FHIT: variants seen among roughly 807,000 people sequenced by gnomAD.
The protein encoded by FHIT is fragile histidine triad diadenosine triphosphatase, also known as bis(5'-adenosyl)-triphosphatase.
In FHIT, 19 loss-of-function variants were observed where a neutral mutation model predicts 17.9. That is an observed-to-expected ratio of 1.06 (90% confidence interval 0.74 to 1.56). The LOEUF is 1.56. Ranked by LOEUF, FHIT falls within the 40% of genes most tolerant of loss-of-function variation. FHIT has a pLI of 0.00. For missense variants in FHIT, 248 were observed against 189.2 expected (o/e 1.31, Z -1.82); for synonymous variants, 81 against 69.7 (o/e 1.16, Z -0.81).
intron 3 of FHIT, among the ~76,000 whole-genome samples, chr3:61,032,576 C>A (rs1366908345): frequency 6.6e-6 from 1 of 152,170 alleles, no homozygotes; most frequent in Non-Finnish European, 1.5e-5. Context: ...AAAACACATT[C>A]CCAGAGGCCA....
At chr3:61,175,697 T>A (rs1447678749) in intron 2 of FHIT, among the ~76,000 whole-genome samples, 2 of 151,928 alleles carry the variant, frequency 1.3e-5, no homozygotes, top group Non-Finnish European at 2.9e-5. Context: ...TGCCCATGTG[T>A]CCCTCCTGCC....
chr3:60,630,276 T>C lies in FHIT; in HGVS notation c.-17-93297A>G, dbSNP rs782113352. Among the ~76,000 whole-genome samples the C allele has an allele frequency of 4.3e-4, 66 of 152,130 alleles. 1 individual carries two copies. Among genetic ancestry groups the C allele is most frequent in the Non-Finnish European group, 7.2e-4 (49 of 68,026 alleles). ...CATCAGTTTTATAAATGACAACCAG[T>C]GTGAGGAAGTCGACACCAAAAGAAG... On this transcript the variant is annotated intron_variant, in intron 4 of 9. Coordinates refer to ENST00000492590, the MANE Select transcript of FHIT (RefSeq NM_002012.4).
intron 8 of FHIT, among the ~76,000 whole-genome samples, chr3:59,850,299 T>G (rs879646365): frequency 2.0e-5 from 3 of 152,212 alleles, no homozygotes; most frequent in Non-Finnish European, 4.4e-5. Context: ...AACAGACAAC[T>G]TTACCTCTTT....
intron 4 of FHIT, among the ~76,000 whole-genome samples, chr3:60,576,397 T>A (rs2037566499): frequency 1.3e-5 from 2 of 151,920 alleles, no homozygotes; most frequent in African/African-American, 4.8e-5. Context: ...CTGCAAATGC[T>A]CCAGGGAAAA....
At chr3:60,844,087 ACTCT>A (rs1477897259) in intron 3 of FHIT, among the ~76,000 whole-genome samples, 1 of 152,134 alleles carries the variant, frequency 6.6e-6, no homozygotes. Flanking sequence ...GAAAAAGTTA[ACTCT>A]CTCCAAGGAA....
chr3:60,685,853 T>C (rs1230802979), intron 4 of FHIT, among the ~76,000 whole-genome samples: 1 of 152,188 alleles, frequency 6.6e-6, no homozygotes, highest in African/African-American at 2.4e-5. Context: ...TAAACAAACA[T>C]ACATATTCTT....
chr3:60,642,550 A>T (rs2039753463), intron 4 of FHIT, among the ~76,000 whole-genome samples: 1 of 152,212 alleles, frequency 6.6e-6, no homozygotes, highest in South Asian at 2.1e-4. Flanking sequence ...GTAAAACAAA[A>T]ATCTTTTCTT....
intron 7 of FHIT, among the ~76,000 whole-genome samples, chr3:59,987,457 A>G (rs1202771329): frequency 6.6e-6 from 1 of 151,958 alleles, no homozygotes; most frequent in Admixed American, 6.6e-5. Flanking sequence ...CACATTCACA[A>G]TCTTGTCATT....
intron 5 of FHIT, among the ~76,000 whole-genome samples, chr3:60,052,303 C>A (rs768871870): frequency 6.6e-6 from 1 of 152,060 alleles, no homozygotes; most frequent in African/African-American, 2.4e-5. Context: ...TTGCCTATCA[C>A]GAGTACACCC....
chr3:60,387,015 T>C (rs1701037376), intron 5 of FHIT, among the ~76,000 whole-genome samples: 1 of 114,928 alleles, frequency 8.7e-6, no homozygotes, highest in South Asian at 3.1e-4. Context: ...AAGGAAATTC[T>C]ATTTATTCTT....
intron 5 of FHIT, among the ~76,000 whole-genome samples, chr3:60,055,540 C>T (rs1006139163): frequency 2.7e-5 from 4 of 150,324 alleles, no homozygotes; most frequent in African/African-American, 9.8e-5. Context: ...AGCTTAATTG[C>T]TTTAGCACTT....
intron 2 of FHIT, among the ~76,000 whole-genome samples, chr3:61,112,145 G>A (rs1365333281): frequency 6.6e-6 from 1 of 152,150 alleles, no homozygotes; most frequent in Non-Finnish European, 1.5e-5. Context: ...CCCTTAAGCA[G>A]TATATATTAT....
chr3:60,929,293 A>C (rs1707823635), intron 3 of FHIT, among the ~76,000 whole-genome samples: 1 of 152,202 alleles, frequency 6.6e-6, no homozygotes, highest in Non-Finnish European at 1.5e-5. Context: ...TCCCTTTGAA[A>C]ACTGGCACAA....
chr3:60,387,439 C>T (rs745675988), intron 5 of FHIT, among the ~76,000 whole-genome samples: 1 of 152,168 alleles, frequency 6.6e-6, no homozygotes, highest in Non-Finnish European at 1.5e-5. Context: ...GAGGACAGTG[C>T]CTAGCATCTA....
intron 4 of FHIT, among the ~76,000 whole-genome samples, chr3:60,545,334 T>C (rs2036325315): frequency 6.6e-6 from 1 of 152,212 alleles, no homozygotes; most frequent in African/African-American, 2.4e-5. Context: ...TTGGCTTTTA[T>C]GAATTATTTT....
chr3:59,872,680 C>T (rs190170592), intron 8 of FHIT, among the ~76,000 whole-genome samples: 3 of 152,256 alleles, frequency 2.0e-5, no homozygotes, highest in African/African-American at 7.2e-5. Context: ...CAATATCTTT[C>T]TCAAGAAGGC....
intron 8 of FHIT, among the ~76,000 whole-genome samples, chr3:59,770,538 A>G (rs1437442048): frequency 6.6e-6 from 1 of 152,204 alleles, no homozygotes; most frequent in Non-Finnish European, 1.5e-5. Context: ...AACTCCCAGC[A>G]GTGAAGTGGA....
intron 5 of FHIT, among the ~76,000 whole-genome samples, chr3:60,196,245 G>A (rs1702635723): frequency 6.6e-6 from 1 of 152,088 alleles, no homozygotes; most frequent in Non-Finnish European, 1.5e-5. Context: ...CCTTCTGGGG[G>A]CTCTAGTTCA....
chr3:59,823,417 T>C (rs1700864619), intron 8 of FHIT, among the ~76,000 whole-genome samples: 1 of 152,136 alleles, frequency 6.6e-6, no homozygotes, highest in Non-Finnish European at 1.5e-5. Context: ...TTCTACTCAA[T>C]ATCCCTGAAG....
Sources: gnomAD v4.1 joint callset for allele counts (sites outside exome capture counted in the v4.1 genomes callset) on GRCh38, gnomAD v4.1.1 for gene constraint, MANE v1.5 for transcripts, NCBI Gene and HGNC (gene_info 2026-07-23, HGNC 2026-07-21) for gene names.